The following RGS6 variants were observed in gnomAD, a reference collection of about 807,000 sequenced individuals.
RGS6 encodes regulator of G protein signaling 6.
RGS6 carries 30 observed loss-of-function variants against 78.5 expected under a neutral mutation model. That is an observed-to-expected ratio of 0.38 (90% confidence interval 0.29 to 0.52). RGS6 has a LOEUF of 0.52. Among genes scored for constraint, RGS6 ranks in the 20% least tolerant of loss-of-function variants. The probability of loss-of-function intolerance (pLI) is 0.85; values close to 1 mark genes in which losing one functional copy is unlikely to be tolerated. For synonymous variants in RGS6, 206 were observed against 206.0 expected (o/e 1.00, Z 0.00); for missense variants, 495 against 609.7 (o/e 0.81, Z 1.98).
chr14:72,127,412 T>C (rs746763537), intron 2 of RGS6, among the ~76,000 whole-genome samples: 3 of 152,220 alleles, frequency 2.0e-5, no homozygotes, highest in Non-Finnish European at 2.9e-5. Flanking sequence ...ACTGAATACA[T>C]TTTAATATTT....
intron 2 of RGS6, among the ~76,000 whole-genome samples, chr14:72,001,142 T>C (rs1026281252): frequency 2.6e-5 from 4 of 152,204 alleles, no homozygotes; most frequent in Non-Finnish European, 5.9e-5. Flanking sequence ...CGCACAAGTG[T>C]GTGCAGTTGT....
intron 2 of RGS6, among the ~76,000 whole-genome samples, chr14:72,338,464 A>T (rs776104159): frequency 6.6e-6 from 1 of 152,210 alleles, no homozygotes; most frequent in Non-Finnish European, 1.5e-5. Context: ...TGATTCAATT[A>T]TCTCTCCACT....
chr14:72,395,506 CAT>C (rs2152967488), intron 3 of RGS6, among the ~76,000 whole-genome samples: 1 of 152,046 alleles, frequency 6.6e-6, no homozygotes, highest in African/African-American at 2.4e-5. Flanking sequence ...TTCTGACCCT[CAT>C]ATAATTTTTT....
intron 2 of RGS6, among the ~76,000 whole-genome samples, chr14:72,062,319 G>T (rs899808450): frequency 1.3e-5 from 2 of 152,218 alleles, no homozygotes; most frequent in African/African-American, 4.8e-5. Flanking sequence ...GTGAGGAGAG[G>T]TGGGTAGGAG....
At chr14:72,424,629 C>T (rs531850884) in intron 3 of RGS6, among the ~76,000 whole-genome samples, 1 of 152,266 alleles carries the variant, frequency 6.6e-6, no homozygotes, top group Non-Finnish European at 1.5e-5. Context: ...TATATCATTG[C>T]TGATTATTCC....
intron 2 of RGS6, among the ~76,000 whole-genome samples, chr14:72,319,571 G>T (rs1364595877): frequency 6.6e-6 from 1 of 151,962 alleles, no homozygotes; most frequent in Non-Finnish European, 1.5e-5. Flanking sequence ...TCGATCTCCT[G>T]ACCTCATGAT....
intron 12 of RGS6, among the ~76,000 whole-genome samples, chr14:72,493,613 A>C (rs1179485950): frequency 6.6e-6 from 1 of 152,194 alleles, no homozygotes; most frequent in Non-Finnish European, 1.5e-5. Flanking sequence ...TGTGCCCAGC[A>C]TAGTAAATAA....
chr14:72,596,091 G>A, the RGS6 span, among the ~76,000 whole-genome samples: 1 of 152,160 alleles, frequency 6.6e-6, no homozygotes, highest in Non-Finnish European at 1.5e-5. Flanking sequence ...CAAATGTAGT[G>A]GCTTAAAACA....
At chr14:72,405,318 G>T (rs1011264596) in intron 3 of RGS6, among the ~76,000 whole-genome samples, 1 of 152,156 alleles carries the variant, frequency 6.6e-6, no homozygotes, top group Non-Finnish European at 1.5e-5. Flanking sequence ...TTTCCATCTT[G>T]TCCCCTAACA....
chr14:72,287,109 C>G (rs533057538), intron 2 of RGS6, among the ~76,000 whole-genome samples: 29 of 152,290 alleles, frequency 1.9e-4, no homozygotes, highest in African/African-American at 7.0e-4. Flanking sequence ...ATTTCCTTTT[C>G]AGATAGTTCA....
At chr14:72,498,611 G>A (rs144482713) in intron 13 of RGS6, among the ~76,000 whole-genome samples, 1 of 151,994 alleles carries the variant, frequency 6.6e-6, no homozygotes, top group Non-Finnish European at 1.5e-5. Flanking sequence ...AAAGTCTAAT[G>A]TGCAGCCATG....
At chr14:72,573,949 T>C in the RGS6 span, among the ~76,000 whole-genome samples, 1 of 152,102 alleles carries the variant, frequency 6.6e-6, no homozygotes, top group Non-Finnish European at 1.5e-5. Flanking sequence ...CTCAGATAAA[T>C]GCATCAAGCC....
intron 16 of RGS6, 130 bp downstream of exon 16, chr14:72,536,405 C>A: frequency 1.4e-6 from 1 of 698,094 alleles, no homozygotes; most frequent in Non-Finnish European, 2.5e-6. Context: ...CCTTCTCTAT[C>A]TGCTCCCATT....
chr14:72,017,417 C>T (rs1273867003), intron 2 of RGS6, among the ~76,000 whole-genome samples: 2 of 152,080 alleles, frequency 1.3e-5, no homozygotes, highest in African/African-American at 4.8e-5. Flanking sequence ...GTGGCATTCA[C>T]TTCTTTTTCT....
intron 3 of RGS6, among the ~76,000 whole-genome samples, chr14:72,417,489 TC>T (rs1332824745): frequency 6.6e-6 from 1 of 152,068 alleles, no homozygotes; most frequent in Non-Finnish European, 1.5e-5. Flanking sequence ...TCTTTTTTTT[TC>T]CCCCAGATAG....
At chr14:72,518,907 G>A (rs2096990326) in intron 15 of RGS6, among the ~76,000 whole-genome samples, 1 of 152,228 alleles carries the variant, frequency 6.6e-6, no homozygotes, top group Non-Finnish European at 1.5e-5. Context: ...ACCCACATCT[G>A]TCTACCTCTG....
At chr14:71,904,270 G>T in the RGS6 span, among the ~76,000 whole-genome samples, 1 of 152,066 alleles carries the variant, frequency 6.6e-6, no homozygotes, top group Non-Finnish European at 1.5e-5. Flanking sequence ...AAAATCTAAG[G>T]GTGGGAAGAA....
chr14:71,939,784 G>T (rs2090196857), intron 1 of RGS6, among the ~76,000 whole-genome samples: 1 of 152,214 alleles, frequency 6.6e-6, no homozygotes, highest in Non-Finnish European at 1.5e-5. Flanking sequence ...AGTCAAATGG[G>T]AATGTGGTGG....
At chr14:72,487,723 C>T (rs555729964) in intron 12 of RGS6, among the ~76,000 whole-genome samples, 2 of 152,332 alleles carry the variant, frequency 1.3e-5, no homozygotes, top group East Asian at 3.9e-4. Context: ...GAAGGAACAT[C>T]GCCCTGCTGA....
Sources: allele counts gnomAD v4.1 joint callset (sites outside exome capture counted in the v4.1 genomes callset), GRCh38; gene constraint gnomAD v4.1.1; transcripts MANE v1.5; gene names NCBI Gene and HGNC (gene_info 2026-07-23, HGNC 2026-07-21).